Variants in PCDHGA4 observed in about 807,000 individuals in gnomAD.
The protein encoded by PCDHGA4 is protocadherin gamma-A4.
Under a neutral mutation model 54.6 loss-of-function variants are expected in PCDHGA4, and 38 were observed. That is an observed-to-expected ratio of 0.70 (90% CI 0.54 to 0.91). The LOEUF (loss-of-function observed/expected upper bound fraction) is 0.91, where lower values mean the gene tolerates loss of function less well. PCDHGA4 is among the 40% of genes least tolerant of loss of function. PCDHGA4 has a pLI of 0.00. For missense variants in PCDHGA4, 1,298 were observed against 1,220.9 expected (o/e 1.06, Z -0.94); for synonymous variants, 511 against 512.9 (o/e 1.00, Z 0.05).
At chr5:141,373,974 C>G in intron 1 of PCDHGA4, 2 of 1,051,508 alleles carry the variant, frequency 1.9e-6, no homozygotes, top group Non-Finnish European at 2.6e-6. Flanking sequence ...CGCTTCGCAT[C>G]CGGTCTCTGC....
chr5:141,408,398 C>A, intron 1 of PCDHGA4: 3 of 1,614,028 alleles, frequency 1.9e-6, no homozygotes, highest in Non-Finnish European at 2.5e-6. Context: ...GGCTCGCAAG[C>A]TGCGAGTGAG....
intron 1 of PCDHGA4, among the ~76,000 whole-genome samples, chr5:141,492,927 G>C (rs925569925): frequency 6.6e-6 from 1 of 152,180 alleles, no homozygotes; most frequent in Non-Finnish European, 1.5e-5. Context: ...AGCGATCTAG[G>C]GTCAGAGATT....
chr5:141,425,742 A>T (rs1315830227), intron 1 of PCDHGA4, among the ~76,000 whole-genome samples: 1 of 152,246 alleles, frequency 6.6e-6, no homozygotes, highest in Non-Finnish European at 1.5e-5. Flanking sequence ...GTTTTCCCAC[A>T]AGGTTTTTGT....
intron 2 of PCDHGA4, among the ~76,000 whole-genome samples, chr5:141,501,838 G>A (rs888418141): frequency 6.6e-6 from 1 of 152,000 alleles, no homozygotes; most frequent in African/African-American, 2.4e-5. Flanking sequence ...CACCTGTTTG[G>A]CCCTCAACCT....
Position 141,387,739 on chromosome 5 carries a change from C to A in PCDHGA4, c.2514+30118C>A, listed in dbSNP as rs182945836. 5.0e-3 allele frequency: 6,618 copies of A among 1,328,550 alleles called. 35 individuals are homozygous for A. Among genetic ancestry groups the A allele is most frequent in the Admixed American group, 0.01 (369 of 36,562 alleles). The allele number at this position is 1,328,550 out of a possible 1,614,324, so 82.3% of individuals were successfully genotyped here. ...AGACTCCCCAGCGCCAGCCTTTACA[C>A]CGCTTCCTCCTCGGAAAAAGAAGAA... On this transcript the variant is annotated intron_variant, in intron 1 of 3. Transcript: ENST00000571252.
chr5:141,366,774 G>A, intron 1 of PCDHGA4: 1 of 1,595,562 alleles, frequency 6.3e-7, no homozygotes, highest in East Asian at 2.2e-5. Context: ...TTTCGGTAAG[G>A]ATGACCAGAA....
In PCDHGA4 at chr5:141,487,414, T is replaced by C; in HGVS notation, c.2515-7393T>C. On this transcript the variant is annotated intron_variant, in intron 1 of 3. Coordinates refer to ENST00000571252, the MANE Select transcript of PCDHGA4 (RefSeq NM_018917.4). This position sits in a 1 kb window ranked among gnomAD's most constrained non-coding sequence, Gnocchi z 5.0. The stretch of plus-strand genomic sequence containing the variant: ...GGAGGGAGGGGCTTCCCCCTTCCAA[T>C]GGGATCCTCCGAATCCAGCTAGGGT... 3.7e-6 allele frequency: 6 copies of C among 1,614,174 alleles called. No individual in the cohort carries two copies. The highest frequency in any genetic ancestry group is 5.1e-6 in the Non-Finnish European group (6 of 1,180,006).
intron 1 of PCDHGA4, chr5:141,403,391 G>A: frequency 1.2e-6 from 2 of 1,614,046 alleles, no homozygotes; most frequent in Non-Finnish European, 1.7e-6. Flanking sequence ...CGAAATCGCG[G>A]TTCCTGGAGC....
In PCDHGA4 at chr5:141,476,784, C is replaced by A; in HGVS notation, c.2515-18023C>A. 1 of 1,613,520 alleles carries A rather than the reference C, an allele frequency of 6.2e-7. No homozygotes were observed. On this transcript the variant is annotated intron_variant, in intron 1 of 3. Transcript: ENST00000571252. The surrounding 1 kb of genome is among the most constrained non-coding windows in gnomAD (Gnocchi z 7.6). ...ACGGCGTTGGACGGAGGGACCCCAGCTCTCTCCGCCAGCCTGCCTATTCAC... is the reference window on the plus strand; with the variant it reads ...ACGGCGTTGGACGGAGGGACCCCAGATCTCTCCGCCAGCCTGCCTATTCAC...
intron 1 of PCDHGA4, among the ~76,000 whole-genome samples, chr5:141,463,736 G>A (rs757788192): frequency 1.3e-5 from 2 of 151,992 alleles, no homozygotes; most frequent in East Asian, 3.9e-4. Flanking sequence ...ATGAGCCACC[G>A]CGCCCGGCCT....
intron 1 of PCDHGA4, among the ~76,000 whole-genome samples, chr5:141,451,001 A>AT (rs1164946963): frequency 2.0e-5 from 3 of 148,376 alleles, no homozygotes; most frequent in South Asian, 2.1e-4. Context: ...ATTTTTTTGT[A>AT]TTTTTTTTAG....
chr5:141,500,043 T>A (rs1240979831), intron 2 of PCDHGA4, among the ~76,000 whole-genome samples: 1 of 152,048 alleles, frequency 6.6e-6, no homozygotes, highest in East Asian at 1.9e-4. Flanking sequence ...CTCTTAAGTA[T>A]CTTAATGCTC....
intron 2 of PCDHGA4, among the ~76,000 whole-genome samples, chr5:141,502,564 C>T (rs2099815067): frequency 1.3e-5 from 2 of 151,774 alleles, no homozygotes; most frequent in East Asian, 1.9e-4. Context: ...CCAGATCTCT[C>T]CATTATAAAA....
Position 141,487,540 on chromosome 5 carries a change from G to T in PCDHGA4, c.2515-7267G>T, listed in dbSNP as rs1319372340. The T allele has an allele frequency of 1.2e-6, 2 of 1,614,208 alleles. No homozygotes were observed. Among genetic ancestry groups the T allele is most frequent in the Admixed American group, 3.3e-5 (2 of 60,034 alleles). ...GGAGTGATAGCTTCATGATGGTGAA[G>T]TCACCCAGTGCACCTATGGCAGGGG... is the stretch of plus-strand genomic sequence containing the variant. On this transcript the variant is annotated intron_variant, in intron 1 of 3. Transcript: ENST00000571252. This position sits in a 1 kb window ranked among gnomAD's most constrained non-coding sequence, Gnocchi z 5.0.
intron 1 of PCDHGA4, chr5:141,417,903 A>G (rs2096184376): frequency 1.3e-6 from 2 of 1,590,930 alleles, no homozygotes; most frequent in Non-Finnish European, 8.6e-7. Flanking sequence ...GGCCCGCGGC[A>G]GGTACTATTT....
intron 1 of PCDHGA4, chr5:141,395,958 A>G (rs1224647324): frequency 6.6e-6 from 1 of 152,208 alleles, no homozygotes; most frequent in Admixed American, 6.5e-5. Context: ...ACAAAAAACA[A>G]AAGCAAAAAC....
In PCDHGA4 at chr5:141,365,685, TC is replaced by T. The variant is rs770206035; in HGVS notation, c.2514+8067del. 2.5e-6 allele frequency: 4 copies of T among 1,613,270 alleles called. No homozygotes were observed. The South Asian group carries it at 4.4e-5, about 18-fold the overall frequency. On this transcript the variant is annotated intron_variant, in intron 1 of 3. Coordinates refer to ENST00000571252, the MANE Select transcript of PCDHGA4 (RefSeq NM_018917.4). The stretch of plus-strand genomic sequence containing the variant: ...GACGTTAATGACAACCCACCCAATT[TC>T]CCTCAAGCCTCCTACTCCACCTCTG...
At chr5:141,370,775 C>T (rs1767193256) in intron 1 of PCDHGA4, 2 of 1,613,848 alleles carry the variant, frequency 1.2e-6, no homozygotes, top group South Asian at 1.1e-5. Flanking sequence ...AGGATATTAA[C>T]GACAACCCAC....
chr5:141,360,895 G>C lies in PCDHGA4; in HGVS notation c.2514+3274G>C, dbSNP rs766855815. The stretch of plus-strand genomic sequence containing the variant: ...CGTGTACAGGGTCACCCTGAGGGAG[G>C]ACGTGCCGCCGGGCTTCTTTGTGCT... On this transcript the variant is annotated intron_variant, in intron 1 of 3. Coordinates refer to ENST00000571252, the MANE Select transcript of PCDHGA4 (RefSeq NM_018917.4). The C allele has an allele frequency of 6.2e-6, 10 of 1,614,046 alleles. No homozygotes were observed. The Admixed American group carries it at 1.7e-4, about 27-fold the overall frequency.
Sources: allele counts gnomAD v4.1 joint callset (sites outside exome capture counted in the v4.1 genomes callset), GRCh38; gene constraint gnomAD v4.1.1; non-coding constraint Gnocchi (gnomAD v3.1); transcripts MANE v1.5; gene names NCBI Gene and HGNC (gene_info 2026-07-23, HGNC 2026-07-21).